LRP1B: variants seen among roughly 807,000 people sequenced by gnomAD.
LRP1B encodes the protein low-density lipoprotein receptor-related protein 1B.
In LRP1B, 217 loss-of-function variants were observed where a neutral mutation model predicts 556.6. That is an observed-to-expected ratio of 0.39 (90% CI 0.35 to 0.44). The LOEUF is 0.44. Ranked by LOEUF, LRP1B falls within the 20% of genes least tolerant of loss-of-function variation. The pLI is 1.00. For missense variants in LRP1B, 5,053 were observed against 5,620.8 expected, an observed-to-expected ratio of 0.90 and a Z score of 3.23; for synonymous variants, 2,047 against 1,865.8, an observed-to-expected ratio of 1.10 and a Z score of -2.50.
chr2:142,121,358 C>T (rs950849645), intron 1 of LRP1B, among the ~76,000 whole-genome samples: 1 of 152,134 alleles, frequency 6.6e-6, no homozygotes, highest in Admixed American at 6.6e-5. Flanking sequence ...GAACCAAACC[C>T]AAATGCCTCA....
chr2:142,072,833 T>A (rs1705371819), intron 1 of LRP1B, among the ~76,000 whole-genome samples: 1 of 152,046 alleles, frequency 6.6e-6, no homozygotes, highest in East Asian at 1.9e-4. Flanking sequence ...TTGAATATAA[T>A]TGAATAGAAG....
chr2:140,701,960 T>G, intron 39 of LRP1B, 115 bp from the exon 40 acceptor site: 2 of 1,380,536 alleles, frequency 1.4e-6, no homozygotes, highest in East Asian at 2.3e-5. Flanking sequence ...CCAACTTTAG[T>G]CTGTGACATT....
chr2:140,666,725 G>GA (rs1685289591), intron 41 of LRP1B, among the ~76,000 whole-genome samples: 1 of 152,082 alleles, frequency 6.6e-6, no homozygotes, highest in African/African-American at 2.4e-5. Flanking sequence ...AGGACTACTT[G>GA]AAAAAATTTT....
At chr2:140,773,619 T>G (rs1053394633) in intron 33 of LRP1B, among the ~76,000 whole-genome samples, 34 of 151,050 alleles carry the variant, frequency 2.3e-4, no homozygotes, top group Non-Finnish European at 2.7e-4. Context: ...TATATAATAT[T>G]TCAGATAAAT....
intron 35 of LRP1B, among the ~76,000 whole-genome samples, chr2:140,760,397 A>G (rs1051490003): frequency 2.0e-5 from 3 of 152,142 alleles, no homozygotes; most frequent in African/African-American, 2.4e-5. Flanking sequence ...ATGTTTCCAG[A>G]TATTGCAAAG....
intron 2 of LRP1B, among the ~76,000 whole-genome samples, chr2:141,681,159 G>A (rs925584663): frequency 2.6e-5 from 4 of 152,054 alleles, no homozygotes; most frequent in African/African-American, 4.8e-5. Flanking sequence ...CAGGTGTGGT[G>A]GCATTCGCCT....
At position 141,451,745 on chromosome 2, in the gene LRP1B, ATTAC is replaced by A. The variant is rs59243666; in HGVS notation, c.343+28647_343+28650del. The stretch of plus-strand genomic sequence containing the variant: ...AATTTCAAAGACATATTTTTAAAAA[ATTAC>A]TTAATTATCCATCTTGGACCTTTTG... On this transcript the variant is annotated intron_variant, in intron 3 of 90. Transcript: ENST00000389484. Among the ~76,000 whole-genome samples, 1,515 of 152,298 alleles carry A rather than the reference ATTAC, an allele frequency of 9.9e-3. 24 individuals carry two copies. The highest frequency in any genetic ancestry group is 0.034 in the African/African-American group (1,428 of 41,562).
intron 9 of LRP1B, among the ~76,000 whole-genome samples, chr2:141,057,786 G>A (rs1262945417): frequency 1.3e-5 from 2 of 151,738 alleles, no homozygotes; most frequent in Non-Finnish European, 2.9e-5. Context: ...TATCAGCAGT[G>A]TGAAAACCGA....
At chr2:141,239,328 T>G (rs1683776624) in intron 5 of LRP1B, among the ~76,000 whole-genome samples, 2 of 152,132 alleles carry the variant, frequency 1.3e-5, no homozygotes, top group South Asian at 4.1e-4. Flanking sequence ...AATGTAAGAT[T>G]CATTGAAGGC....
intron 66 of LRP1B, among the ~76,000 whole-genome samples, chr2:140,395,227 T>C (rs1684197760): frequency 6.6e-6 from 1 of 152,242 alleles, no homozygotes; most frequent in Non-Finnish European, 1.5e-5. Flanking sequence ...ACCTGAGTAA[T>C]GCAGTCATTT....
intron 3 of LRP1B, among the ~76,000 whole-genome samples, chr2:141,283,645 C>G (rs1277384571): frequency 7.5e-6 from 1 of 133,708 alleles, no homozygotes; most frequent in African/African-American, 2.8e-5. Context: ...TTTTGAGACG[C>G]AGTGTAGTGG....
intron 60 of LRP1B, among the ~76,000 whole-genome samples, chr2:140,461,535 T>C (rs559998800): frequency 6.6e-6 from 1 of 152,262 alleles, no homozygotes; most frequent in South Asian, 2.1e-4. Context: ...TGTAATTTAT[T>C]ATTTAAAAAT....
intron 7 of LRP1B, 67 bp downstream of exon 7, chr2:141,188,354 T>C (rs1025461466): frequency 3.6e-5 from 53 of 1,457,324 alleles, no homozygotes; most frequent in African/African-American, 7.1e-5. Context: ...ACAACACTTG[T>C]CATACTTCAA....
At chr2:141,203,261 C>A (rs1292613025) in intron 6 of LRP1B, among the ~76,000 whole-genome samples, 1 of 151,882 alleles carries the variant, frequency 6.6e-6, no homozygotes, top group Non-Finnish European at 1.5e-5. Flanking sequence ...GAAAAAGAGT[C>A]AAGACCCATT....
At position 140,385,964 on chromosome 2, in the gene LRP1B, T is replaced by A. The variant is rs1683741134; in HGVS notation, c.10460A>T (p.Asn3487Ile). 1 of 1,613,480 alleles carries A rather than the reference T, an allele frequency of 6.2e-7. No homozygotes were observed. The highest frequency in any genetic ancestry group is 1.7e-5 in the Admixed American group (1 of 59,944). The change falls in exon 67 of 91, where the codon AAC becomes ATC. Residue 3487 changes from asparagine to isoleucine, a missense_variant. Coordinates refer to ENST00000389484, the MANE Select transcript of LRP1B (RefSeq NM_018557.3). ...GPHEFQCKNN[N>I]CIPDHWRCDS... is the part of the protein sequence containing the mutation. ...ACACCGCCAGTGATCGGGAATACAGTTGTTGTTTTTACACTGGAATTCATG... is the reference window on the plus strand; with the variant it reads ...ACACCGCCAGTGATCGGGAATACAGATGTTGTTTTTACACTGGAATTCATG...
At chr2:141,838,598 G>T (rs947027998) in intron 1 of LRP1B, among the ~76,000 whole-genome samples, 6 of 152,098 alleles carry the variant, frequency 3.9e-5, no homozygotes, top group African/African-American at 1.4e-4. Context: ...CTTGTATAGA[G>T]GACATTTTTC....
At chr2:141,512,120 A>G (rs934661995) in intron 2 of LRP1B, among the ~76,000 whole-genome samples, 2 of 152,214 alleles carry the variant, frequency 1.3e-5, no homozygotes, top group Non-Finnish European at 2.9e-5. Context: ...GGATATTTTC[A>G]TCAACATATA....
In LRP1B at chr2:141,969,627, C is replaced by T. The variant is rs1179144238; in HGVS notation, c.83-159226G>A. 4.0e-5 allele frequency among the ~76,000 whole-genome samples: 6 copies of T among 151,628 alleles called. No individual in the cohort carries two copies. The Admixed American group carries it at 4.0e-4, about 10-fold the overall frequency. On this transcript the variant is annotated intron_variant, in intron 1 of 90. Transcript: ENST00000389484. The stretch of plus-strand genomic sequence containing the variant: ...AATAGTATTCCACTGTGTTTCTACA[C>T]CATACTTTATCCATTCATCTGTCAA...
At chr2:141,088,911 G>A (rs188409883) in intron 7 of LRP1B, among the ~76,000 whole-genome samples, 1 of 152,200 alleles carries the variant, frequency 6.6e-6, no homozygotes, top group Admixed American at 6.5e-5. Context: ...AGCCCTCTGA[G>A]ATAACATAAA....
Sources: allele counts gnomAD v4.1 joint callset (sites outside exome capture counted in the v4.1 genomes callset), GRCh38; gene constraint gnomAD v4.1.1; transcripts MANE v1.5; gene names NCBI Gene and HGNC (gene_info 2026-07-23, HGNC 2026-07-21).